Variants in DCTN1 observed in about 807,000 individuals in gnomAD.
DCTN1 encodes the protein 150 kDa dynein-associated polypeptide.
Under a neutral mutation model 161.2 loss-of-function variants are expected in DCTN1, and 61 were observed. The ratio of observed to expected loss-of-function variants is 0.38; its 90% CI spans 0.31 to 0.47. The LOEUF (loss-of-function observed/expected upper bound fraction) is 0.47, where lower values mean the gene tolerates loss of function less well. Among genes scored for constraint, DCTN1 ranks in the 20% least tolerant of loss-of-function variants. DCTN1 has a pLI of 0.99. For missense variants in DCTN1, 1,404 were observed against 1,623.7 expected (o/e 0.86, Z 2.33); for synonymous variants, 653 against 632.4 (o/e 1.03, Z -0.49).
intron 5 of DCTN1, among the ~76,000 whole-genome samples, chr2:74,376,053 C>T (rs1675204094): frequency 6.6e-6 from 1 of 152,078 alleles, no homozygotes; most frequent in Non-Finnish European, 1.5e-5. Context: ...GTGGTCATGG[C>T]AGTGATCTAA....
intron 20 of DCTN1, 35 bp from the exon 21 acceptor site, chr2:74,366,967 G>A (rs374371397): frequency 6.2e-7 from 1 of 1,614,202 alleles, no homozygotes. Context: ...GGAGAACCAA[G>A]TTAGCATTAA....
Position 74,369,722 on chromosome 2 carries a change from A to C in DCTN1, c.1393-231T>G, listed in dbSNP as rs1286683366. On this transcript the variant is annotated intron_variant, in intron 13 of 31. Coordinates refer to ENST00000628224, the MANE Select transcript of DCTN1 (RefSeq NM_004082.5). The surrounding 1 kb of genome is among the most constrained non-coding windows in gnomAD (Gnocchi z 4.9). Reference sequence around the variant, plus strand: ...CAGCTACTCGGGAGGCTGAGGCAGGAGAATCGCTTGAACCTGGGAGGCGGA... The same window carrying C: ...CAGCTACTCGGGAGGCTGAGGCAGGCGAATCGCTTGAACCTGGGAGGCGGA... 1.3e-5 allele frequency among the ~76,000 whole-genome samples: 2 copies of C among 151,116 alleles called. No individual in the cohort carries two copies. The highest frequency in any genetic ancestry group is 2.9e-5 in the Non-Finnish European group (2 of 67,842).
intron 6 of DCTN1, among the ~76,000 whole-genome samples, chr2:74,373,536 C>A (rs1176731482): frequency 1.3e-5 from 2 of 152,132 alleles, no homozygotes; most frequent in African/African-American, 4.8e-5. Context: ...GCAGCAGTCC[C>A]GATCACTAGG....
chr2:74,376,858 G>T, intron 4 of DCTN1, 96 bp from the exon 5 acceptor site: 2 of 1,141,376 alleles, frequency 1.8e-6, no homozygotes, highest in Non-Finnish European at 1.3e-6. Context: ...GACGCGGGTA[G>T]GGGGGAGTCA....
Position 74,370,529 on chromosome 2 carries a change from G to A in DCTN1, c.1064C>T (p.Ala355Val), listed in dbSNP as rs1331958449. ...AAGCTGCTTGAGCTGATAACTGGAT[G>A]CAGCGCCATCTGAGCCTGGAGAAGA... is the stretch of plus-strand genomic sequence containing the variant. ...EIEEKGSDGA[A>V]SSYQLKQLEE... The change falls in exon 11 of 32, where the codon GCA (alanine) becomes GTA (valine). Residue 355 changes from alanine to valine, a missense_variant. By Grantham distance (64) the Ala-to-Val change is moderately conservative. Around this residue, in one of 9 missense-constraint regions of DCTN1, gnomAD observed 278 missense variants for 363.8 expected, o/e 0.76. Transcript: ENST00000628224. This position sits in a 1 kb window ranked among gnomAD's most constrained non-coding sequence, Gnocchi z 4.4. 2 of 1,614,180 alleles carry A rather than the reference G, an allele frequency of 1.2e-6. No individual in the cohort carries two copies. The highest frequency in any genetic ancestry group is 1.3e-5 in the African/African-American group (1 of 75,076).
chr2:74,391,760 G>A (rs1351334578), intron 1 of DCTN1: 3 of 452,968 alleles, frequency 6.6e-6, no homozygotes, highest in Non-Finnish European at 1.3e-5. Flanking sequence ...GGGGGCCGGC[G>A]GAGCAGACGG....
In DCTN1 at chr2:74,362,987, T is replaced by C; in HGVS notation, c.3529+7A>G. 6.2e-7 allele frequency: 1 copy of C among 1,611,348 alleles called. No individual in the cohort carries two copies. The highest frequency in any genetic ancestry group is 8.5e-7 in the Non-Finnish European group (1 of 1,178,778). ...TTTATTCATCTTGGGGGTTGGCAGGTACATACCAGGGCTGGTGCGAGTGAT... is the reference window on the plus strand; with the variant it reads ...TTTATTCATCTTGGGGGTTGGCAGGCACATACCAGGGCTGGTGCGAGTGAT... On this transcript the variant is annotated splice_region_variant and intron_variant, in intron 29 of 31. Coordinates refer to ENST00000628224, the MANE Select transcript of DCTN1 (RefSeq NM_004082.5).
chr2:74,379,977 A>G lies in DCTN1; in HGVS notation c.33+28T>C, dbSNP rs1231485616. 3 of 1,613,118 alleles carry G rather than the reference A, an allele frequency of 1.9e-6. No homozygotes were observed. The Admixed American group carries it at 5.0e-5, about 27-fold the overall frequency. On this transcript the variant is annotated intron_variant, in intron 1 of 31. Coordinates refer to ENST00000628224, the MANE Select transcript of DCTN1 (RefSeq NM_004082.5). ...GCCAGGCCTTCCCCAGCAGCCCTCC[A>G]GGGCCATCCCAGATTAGGGCCACTT...
chr2:74,366,861 C>G lies in DCTN1; in HGVS notation c.2388G>C (p.Gln796His). ...TTCGCCTTCGGATCTTCTTGCAGAA[C>G]TGGCGGATGTCACTGCATGAAGTTT... ...DLETSCSDIR[Q>H]FCKKIRRRMP... Residue 796 changes from glutamine to histidine, a missense_variant, in exon 21 of 32, where the codon CAG becomes CAC. By Grantham distance (24) the Gln-to-His change is conservative. Around this residue, in one of 9 missense-constraint regions of DCTN1, gnomAD observed 475 missense variants for 489.8 expected, o/e 0.97. Transcript: ENST00000628224. 1 of 1,614,258 alleles carries G rather than the reference C, an allele frequency of 6.2e-7. No individual in the cohort carries two copies. The highest frequency in any genetic ancestry group is 8.5e-7 in the Non-Finnish European group (1 of 1,180,050).
At chr2:74,368,246 G>C (rs1018795777) in intron 16 of DCTN1, 115 bp from the exon 17 acceptor site, 2 of 1,388,232 alleles carry the variant, frequency 1.4e-6, no homozygotes, top group East Asian at 5.0e-5. Flanking sequence ...ACATGGGAGA[G>C]AAAGCAGAAA....
At chr2:74,386,271 G>A (rs930738349) in intron 1 of DCTN1, among the ~76,000 whole-genome samples, 21 of 152,116 alleles carry the variant, frequency 1.4e-4, no homozygotes, top group African/African-American at 4.6e-4. Context: ...GATGCCTCAG[G>A]AAAAGGAATC....
chr2:74,381,615 C>G (rs1455604858), upstream of DCTN1, among the ~76,000 whole-genome samples: 1 of 152,166 alleles, frequency 6.6e-6, no homozygotes, highest in Admixed American at 6.5e-5. Context: ...GAGCACTTTA[C>G]AGTCTATAGG....
chr2:74,367,287 T>C, intron 19 of DCTN1, 65 bp downstream of exon 19: 1 of 1,597,382 alleles, frequency 6.3e-7, no homozygotes, highest in East Asian at 2.2e-5. Context: ...GTGCCTGATC[T>C]CTTGACCTGA....
In DCTN1 at chr2:74,380,046, C is replaced by G. The variant is rs560994522; in HGVS notation, c.-9G>C. ...CTCTTGCTCTGTGCCATGTTGCTCA[C>G]CCGGCCTCTACCCCCTCCCCCAGCT... On this transcript the variant is annotated 5_prime_UTR_variant, in exon 1 of 32. Coordinates refer to ENST00000628224, the MANE Select transcript of DCTN1 (RefSeq NM_004082.5). 1.6e-5 allele frequency: 26 copies of G among 1,614,104 alleles called. No homozygotes were observed. In the Admixed American group the frequency reaches 4.3e-4, roughly 27 times the overall value.
At chr2:74,380,692 G>T, upstream of DCTN1, 1 of 401,100 alleles carries the variant, frequency 2.5e-6, no homozygotes, top group Admixed American at 2.8e-5. Flanking sequence ...ATGTGAGTAG[G>T]GCCTGGATTT....
chr2:74,363,542 TC>T (rs774823332), intron 27 of DCTN1, 71 bp downstream of exon 27: 1 of 1,600,940 alleles, frequency 6.2e-7, no homozygotes, highest in Non-Finnish European at 8.5e-7. Context: ...AGTCCTGGCT[TC>T]CCCCTCCACC....
Position 74,367,435 on chromosome 2 carries a change from C to T in DCTN1, c.2185-15G>A. On this transcript the variant is annotated splice_polypyrimidine_tract_variant and intron_variant, in intron 18 of 31. Coordinates refer to ENST00000628224, the MANE Select transcript of DCTN1 (RefSeq NM_004082.5). ...CTGTACAGATGCTGAGGAGAGATAA[C>T]AGACAGACAACTTTTAGGCCCTGGA... 6.2e-7 allele frequency: 1 copy of T among 1,614,006 alleles called. No homozygotes were observed. Among genetic ancestry groups the T allele is most frequent in the Admixed American group, 1.7e-5 (1 of 60,012 alleles).
chr2:74,377,868 TCCC>T, intron 2 of DCTN1, 129 bp downstream of exon 2: 1 of 1,475,950 alleles, frequency 6.8e-7, no homozygotes, highest in Non-Finnish European at 9.4e-7. Context: ...CAATCTTCCC[TCCC>T]CCACTACCTT....
rs1674497403 is a variant in DCTN1 at position 74,367,369 on chromosome 2, G to A, written c.2236C>T (p.Leu746=). 1 of 1,614,062 alleles carries A rather than the reference G, an allele frequency of 6.2e-7. No homozygotes were observed. The highest frequency in any genetic ancestry group is 8.5e-7 in the Non-Finnish European group (1 of 1,180,044). ...AEQPEDCTMQ[L]ADHIKFTQSA... ...TACTTCACCTTAATGTGGTCAGCCA[G>A]CTGCATAGTACAGTCCTCAGGCTGT... is the stretch of plus-strand genomic sequence containing the variant. Residue 746 remains leucine, a synonymous_variant, in exon 19 of 32, where the codon CTG becomes TTG. Transcript: ENST00000628224.
Sources: gnomAD v4.1 joint callset for allele counts (sites outside exome capture counted in the v4.1 genomes callset) on GRCh38, gnomAD v4.1.1 for gene constraint, gnomAD v4.1.1 regional missense constraint, Gnocchi (gnomAD v3.1) non-coding constraint, MANE v1.5 for transcripts, NCBI Gene and HGNC (gene_info 2026-07-23, HGNC 2026-07-21) for gene names.